Variants in TRPC4AP observed in about 807,000 individuals in gnomAD.
TRPC4AP encodes short transient receptor potential channel 4-associated protein.
In TRPC4AP, 45 loss-of-function variants were observed where a neutral mutation model predicts 99.0. That is an observed-to-expected ratio of 0.45 (90% CI 0.36 to 0.58). The LOEUF (loss-of-function observed/expected upper bound fraction) is 0.58. TRPC4AP is among the 20% of genes least tolerant of loss of function. The pLI, the probability that TRPC4AP is intolerant of heterozygous loss-of-function variation, is 0.00. For synonymous variants in TRPC4AP, 408 were observed against 385.8 expected, an observed-to-expected ratio of 1.06 and a Z score of -0.67; for missense variants, 879 against 985.3, an observed-to-expected ratio of 0.89 and a Z score of 1.44.
Position 35,006,475 on chromosome 20 carries a change from G to C in TRPC4AP, c.1787C>G (p.Ala596Gly), listed in dbSNP as rs1320202971. ...LGELMKFNVD[A>G]FKRFNKYINT... ...GATATATTTATTGAATCTCTTGAAT[G>C]CATCAACGTTGAACTTCATCAGCTC... Residue 596 changes from alanine (A) to glycine (G), a missense_variant, in exon 15 of 19, where the codon GCA becomes GGA. Around this residue, in one of 3 missense-constraint regions of TRPC4AP, gnomAD observed 224 missense variants for 264.7 expected, o/e 0.85. Transcript: ENST00000252015. 6.2e-7 allele frequency: 1 copy of C among 1,614,172 alleles called. No homozygotes were observed. Among genetic ancestry groups the C allele is most frequent in the Admixed American group, 1.7e-5 (1 of 60,026 alleles).
At position 35,064,964 on chromosome 20, in the gene TRPC4AP, C is replaced by T. The variant is rs545342154; in HGVS notation, c.414+4332G>A. The stretch of plus-strand genomic sequence containing the variant: ...TTTATCTCATTTTGACTTACGTCTT[C>T]ATCAGAGTCACAGAAATGGAAACAA... On this transcript the variant is annotated intron_variant, in intron 3 of 18. Coordinates refer to ENST00000252015, the MANE Select transcript of TRPC4AP (RefSeq NM_015638.3). Among the ~76,000 whole-genome samples, 5 of 152,332 alleles carry T rather than the reference C, an allele frequency of 3.3e-5. No individual in the cohort carries two copies. In the East Asian group the frequency reaches 7.7e-4, roughly 24 times the overall value.
chr20:35,088,967 T>A (rs1055402589), intron 1 of TRPC4AP, among the ~76,000 whole-genome samples: 1 of 151,972 alleles, frequency 6.6e-6, no homozygotes, highest in Admixed American at 6.6e-5. Context: ...AGTTTCAGAT[T>A]TGCAAGATGA....
chr20:35,026,597 T>C (rs748889641), intron 8 of TRPC4AP, among the ~76,000 whole-genome samples: 1 of 152,200 alleles, frequency 6.6e-6, no homozygotes. Context: ...TTGTGCAAAG[T>C]AGTCAGCTGA....
chr20:35,066,272 A>AT (rs1569137712), intron 3 of TRPC4AP, among the ~76,000 whole-genome samples: 1 of 151,912 alleles, frequency 6.6e-6, no homozygotes, highest in African/African-American at 2.4e-5. Context: ...CAATCGGCTA[A>AT]TTTTTTTAAT....
At chr20:35,072,869 C>T (rs946163182) in intron 2 of TRPC4AP, among the ~76,000 whole-genome samples, 6 of 152,030 alleles carry the variant, frequency 3.9e-5, no homozygotes, top group East Asian at 1.9e-4. Context: ...TCAATTACCT[C>T]GGGCAATATG....
intron 16 of TRPC4AP, among the ~76,000 whole-genome samples, chr20:35,004,906 C>T (rs1039290208): frequency 2.6e-5 from 4 of 152,300 alleles, no homozygotes; most frequent in African/African-American, 7.2e-5. Flanking sequence ...GGATCCATGA[C>T]GCTGCATTAA....
chr20:35,017,771 A>G (rs539501013), intron 9 of TRPC4AP, among the ~76,000 whole-genome samples: 35 of 152,346 alleles, frequency 2.3e-4, no homozygotes, highest in Middle Eastern at 3.4e-3. Context: ...TTCCTTCAAC[A>G]TATTAGGTTG....
chr20:35,077,553 T>C (rs1446905932), intron 2 of TRPC4AP, among the ~76,000 whole-genome samples: 2 of 152,166 alleles, frequency 1.3e-5, no homozygotes, highest in African/African-American at 4.8e-5. Context: ...CTTCAGGTGA[T>C]TCATAAACAC....
In TRPC4AP at chr20:35,003,276, C is replaced by T. The variant is rs1002438798; in HGVS notation, c.2264G>A (p.Cys755Tyr). 16 of 1,613,920 alleles carry T rather than the reference C, an allele frequency of 9.9e-6. No homozygotes were observed. The highest frequency in any genetic ancestry group is 1.4e-5 in the Non-Finnish European group (16 of 1,180,008). Residue 755 changes from cysteine to tyrosine, a missense_variant, in exon 19 of 19, where the codon TGC becomes TAC. By Grantham distance (194) the Cys-to-Tyr change is radical. This residue lies in a region of TRPC4AP where 224 missense variants were observed against 264.7 expected (regional missense o/e 0.85). Transcript: ENST00000252015. ...CTCCTTCCAGTATGAGAAGCTGATG[C>T]AGGAGCTCTGGGCAAAGAGGGAGGG... ...KDSTCLENSS[C>Y]ISFSYWKETV...
intron 9 of TRPC4AP, among the ~76,000 whole-genome samples, chr20:35,017,767 C>T (rs1163177634): frequency 6.6e-6 from 1 of 152,242 alleles, no homozygotes; most frequent in Non-Finnish European, 1.5e-5. Flanking sequence ...CCTCTTCCTT[C>T]AACATATTAG....
At chr20:35,018,604 G>GAAAAAAAAAAAAAAAAAAAAA (rs11479211) in intron 9 of TRPC4AP, among the ~76,000 whole-genome samples, 3 of 88,948 alleles carry the variant, frequency 3.4e-5, no homozygotes, top group Non-Finnish European at 4.3e-5. Context: ...CTCAAAAAAA[G>GAAAAAAAAAAAAAAAAAAAAA]AAAAAAAAAA....
intron 3 of TRPC4AP, among the ~76,000 whole-genome samples, chr20:35,063,915 A>G (rs2084074124): frequency 6.6e-6 from 1 of 152,186 alleles, no homozygotes; most frequent in African/African-American, 2.4e-5. Flanking sequence ...TGTTAAACAA[A>G]TTCTAGGTTA....
chr20:35,060,047 G>C (rs1421148497), intron 3 of TRPC4AP, among the ~76,000 whole-genome samples: 2 of 151,784 alleles, frequency 1.3e-5, no homozygotes, highest in Admixed American at 1.3e-4. Context: ...TACCCATAAA[G>C]AAAAACCTTG....
At chr20:35,035,013 T>C (rs2083286837) in intron 8 of TRPC4AP, 110 bp downstream of exon 8, 2 of 1,250,710 alleles carry the variant, frequency 1.6e-6, no homozygotes, top group African/African-American at 3.0e-5. Flanking sequence ...TTGAGGACAA[T>C]TCTACTCTGA....
At position 35,069,416 on chromosome 20, in the gene TRPC4AP, GT is replaced by G. The variant is rs750668578; in HGVS notation, c.298-5del. 2 of 1,574,736 alleles carry G rather than the reference GT, an allele frequency of 1.3e-6. No homozygotes were observed. Among genetic ancestry groups the G allele is most frequent in the Admixed American group, 1.7e-5 (1 of 57,714 alleles). The stretch of plus-strand genomic sequence containing the variant: ...TGGAGAGAAGAGGAGAAATTTCCTA[GT>G]TTTTTTAAAAAAAAGTACATACATT... On this transcript the variant is annotated splice_polypyrimidine_tract_variant and splice_region_variant and intron_variant, in intron 2 of 18. Transcript: ENST00000252015.
At chr20:35,086,501 ATATATATGTGTGTGTGTG>A (rs2084868130) in intron 1 of TRPC4AP, among the ~76,000 whole-genome samples, 3 of 102,398 alleles carry the variant, frequency 2.9e-5, no homozygotes, top group Non-Finnish European at 6.1e-5. Context: ...ATATATGTGT[ATATATATGTGTGTGTGTG>A]TATATATGTG....
At chr20:35,030,379 G>A (rs1409089970) in intron 8 of TRPC4AP, 1 of 151,834 alleles carries the variant, frequency 6.6e-6, no homozygotes. Flanking sequence ...GCTAATCTCT[G>A]TACTGTTCCA....
rs1353012188 is a variant in TRPC4AP, at chr20:35,078,170, G to A, written c.173C>T (p.Thr58Ile). The A allele has an allele frequency of 5.6e-6, 9 of 1,612,938 alleles. No individual in the cohort carries two copies. Among genetic ancestry groups the A allele is most frequent in the Non-Finnish European group, 5.1e-6 (6 of 1,179,304 alleles). Residue 58 changes from threonine to isoleucine, a missense_variant, in exon 2 of 19, where the codon ACT (threonine) becomes ATT (isoleucine). Transcript: ENST00000252015. ...GTCCCTCTCCGTCAAAAAAGTCTCA[G>A]TGAACTGTGAGTCAAAAAAAGAGAG... ...GRGLVRAVQF[T>I]ETFLTERDKQ...
At chr20:35,059,737 T>TACG (rs1427976204) in intron 3 of TRPC4AP, among the ~76,000 whole-genome samples, 1 of 149,868 alleles carries the variant, frequency 6.7e-6, no homozygotes, top group African/African-American at 2.5e-5. Context: ...GGAAGAAGAC[T>TACG]ACGACGAAGA....
Sources: allele counts gnomAD v4.1 joint callset (sites outside exome capture counted in the v4.1 genomes callset), GRCh38; gene constraint gnomAD v4.1.1; regional missense constraint gnomAD v4.1.1; transcripts MANE v1.5; gene names NCBI Gene and HGNC (gene_info 2026-07-23, HGNC 2026-07-21).